The following CHIC1 variants were observed in gnomAD, a reference collection of about 807,000 sequenced individuals.
CHIC1 encodes cysteine-rich hydrophobic domain-containing protein 1.
In CHIC1, 7 loss-of-function variants were observed where a neutral mutation model predicts 18.5. That is an observed-to-expected ratio of 0.38 (90% CI 0.22 to 0.71). The LOEUF (loss-of-function observed/expected upper bound fraction) is 0.71. CHIC1 is among the 30% of genes least tolerant of loss of function. CHIC1 has a pLI of 0.49. For missense variants in CHIC1, 159 were observed against 176.9 expected, an observed-to-expected ratio of 0.90 and a Z score of 0.57; for synonymous variants, 77 against 73.5, an observed-to-expected ratio of 1.05 and a Z score of -0.25.
intron 3 of CHIC1, among the ~76,000 whole-genome samples, chrX:73,651,043 T>C (rs1268646407): frequency 9.0e-6 from 1 of 111,596 alleles, no homozygotes. Context: ...CATACACAAG[T>C]CAATAAACGT....
chrX:73,647,813 A>G (rs774952250), intron 3 of CHIC1, among the ~76,000 whole-genome samples: 1 of 112,379 alleles, frequency 8.9e-6, no homozygotes, highest in Non-Finnish European at 1.9e-5. Context: ...CAGGCAGCCT[A>G]GACCAGTGGG....
At chrX:73,668,941 G>A (rs768886505) in intron 3 of CHIC1, among the ~76,000 whole-genome samples, 1 of 112,934 alleles carries the variant, frequency 8.9e-6, no homozygotes, top group South Asian at 3.6e-4. Context: ...GGCTAGACCA[G>A]CTGATAAGCC....
intron 3 of CHIC1, among the ~76,000 whole-genome samples, chrX:73,642,631 TC>T (rs1200187090): frequency 2.8e-5 from 3 of 108,821 alleles, no homozygotes; most frequent in African/African-American, 1.0e-4. Context: ...TAGGTTTTCT[TC>T]TAGGGTTTTT....
intron 3 of CHIC1, among the ~76,000 whole-genome samples, chrX:73,673,437 A>C (rs1304476076): frequency 9.0e-6 from 1 of 111,410 alleles, no homozygotes; most frequent in African/African-American, 3.3e-5. Context: ...GCAGTGGTTT[A>C]TAGGTCTCCT....
intron 3 of CHIC1, among the ~76,000 whole-genome samples, chrX:73,618,945 T>G (rs781024441): frequency 8.9e-6 from 1 of 112,269 alleles, no homozygotes; most frequent in Non-Finnish European, 1.9e-5. Flanking sequence ...AATGGCTTCT[T>G]TGGGGGCCAA....
rs752458403 is a variant in CHIC1 at position 73,567,441 on chromosome X, C to A, written c.296+3861C>A. 6.7e-4 allele frequency among the ~76,000 whole-genome samples: 74 copies of A among 110,827 alleles called. 1 individual carries two copies. The highest frequency in any genetic ancestry group is 2.2e-3 in the African/African-American group (68 of 30,484). ...AAGCATGCTTGGTTCTCCCCACTCA[C>A]ACTTCCCACTGCTAAGCAATTAGCA... On this transcript the variant is annotated intron_variant, in intron 1 of 5. Coordinates refer to ENST00000373502, the MANE Select transcript of CHIC1 (RefSeq NM_001039840.4).
chrX:73,611,073 G>A lies in CHIC1; in HGVS notation c.507+26501G>A, dbSNP rs757091324. Among the ~76,000 whole-genome samples the A allele has an allele frequency of 7.5e-5, 8 of 106,297 alleles. No individual in the cohort carries two copies. In the South Asian group the frequency reaches 1.2e-3, roughly 16 times the overall value. The allele number at this position is 106,297 out of a possible 115,157, so 92.3% of individuals were successfully genotyped here. A position where few individuals can be genotyped will look rare whatever the true frequency, so the allele number is the denominator to read the frequency against. On this transcript the variant is annotated intron_variant, in intron 3 of 5. Transcript: ENST00000373502. ...TTAGGGTACATGTGCACAACGTGCC[G>A]GTTAGTTACATATGTACACATGTGC...
intron 3 of CHIC1, among the ~76,000 whole-genome samples, chrX:73,623,649 T>A (rs907374957): frequency 3.6e-5 from 4 of 111,252 alleles, no homozygotes; most frequent in African/African-American, 1.3e-4. Context: ...CCTATCTAAC[T>A]TAAAACAATG....
At chrX:73,610,480 G>A (rs185821866) in intron 3 of CHIC1, among the ~76,000 whole-genome samples, 5 of 107,168 alleles carry the variant, frequency 4.7e-5, no homozygotes, top group African/African-American at 1.1e-4. Context: ...TGTTGGTCTC[G>A]GTGGGAGCTA....
At chrX:73,654,712 A>G (rs2057933565) in intron 3 of CHIC1, among the ~76,000 whole-genome samples, 2 of 111,690 alleles carry the variant, frequency 1.8e-5, no homozygotes, top group South Asian at 3.7e-4. Flanking sequence ...CACATTTCAC[A>G]TTATTGGTCT....
chrX:73,595,290 A>T (rs761866613), intron 3 of CHIC1, among the ~76,000 whole-genome samples: 4 of 110,802 alleles, frequency 3.6e-5, no homozygotes, highest in South Asian at 7.7e-4. Context: ...CATCATCTAC[A>T]TTAGGTATTT....
chrX:73,664,600 A>G (rs1485109779), intron 3 of CHIC1, among the ~76,000 whole-genome samples: 1 of 111,382 alleles, frequency 9.0e-6, no homozygotes, highest in East Asian at 2.8e-4. Context: ...GGGTTAACCA[A>G]TTGATAAATT....
At chrX:73,604,919 T>G (rs1250743178) in intron 3 of CHIC1, among the ~76,000 whole-genome samples, 1 of 109,027 alleles carries the variant, frequency 9.2e-6, no homozygotes, top group African/African-American at 3.6e-5. Context: ...TTACTTCCAA[T>G]TATGTGGTCA....
chrX:73,597,569 A>T (rs760487576), intron 3 of CHIC1, among the ~76,000 whole-genome samples: 1 of 106,408 alleles, frequency 9.4e-6, no homozygotes, highest in South Asian at 4.0e-4. Flanking sequence ...TATATAACAT[A>T]ATTATATATA....
At chrX:73,633,690 G>A (rs1233780542) in intron 3 of CHIC1, among the ~76,000 whole-genome samples, 3 of 110,168 alleles carry the variant, frequency 2.7e-5, no homozygotes, top group African/African-American at 9.9e-5. Flanking sequence ...ACTTGCTTTT[G>A]TCCAATAAGT....
At chrX:73,609,307 CTATT>C (rs762082865) in intron 3 of CHIC1, among the ~76,000 whole-genome samples, 129 of 108,902 alleles carry the variant, frequency 1.2e-3, no homozygotes, top group Non-Finnish European at 1.8e-3. Flanking sequence ...TAGTCTTTTA[CTATT>C]TATTATGATA....
intron 3 of CHIC1, among the ~76,000 whole-genome samples, chrX:73,612,987 G>T (rs924431869): frequency 9.0e-6 from 1 of 111,566 alleles, no homozygotes; most frequent in African/African-American, 3.3e-5. Context: ...ATGTATCTGG[G>T]TGCTCAAGCT....
intron 3 of CHIC1, among the ~76,000 whole-genome samples, chrX:73,592,194 T>C (rs1377678620): frequency 9.0e-6 from 1 of 111,180 alleles, no homozygotes; most frequent in Non-Finnish European, 1.9e-5. Flanking sequence ...TTTTATTTTT[T>C]TGTCTTGACT....
At chrX:73,591,158 TG>T (rs777829527) in intron 3 of CHIC1, among the ~76,000 whole-genome samples, 49 of 111,815 alleles carry the variant, frequency 4.4e-4, no homozygotes, top group African/African-American at 1.5e-3. Context: ...ATCTCACTAT[TG>T]TTTTAATTTC....
Sources: gnomAD v4.1 joint callset for allele counts (sites outside exome capture counted in the v4.1 genomes callset) on GRCh38, gnomAD v4.1.1 for gene constraint, MANE v1.5 for transcripts, NCBI Gene and HGNC (gene_info 2026-07-23, HGNC 2026-07-21) for gene names.